The following SYTL5 variants were observed in gnomAD, a reference collection of about 807,000 sequenced individuals.
The protein encoded by SYTL5 is synaptotagmin-like protein 5.
A neutral mutation model predicts 55.9 loss-of-function variants in SYTL5; 34 were observed. The ratio of observed to expected loss-of-function variants is 0.61; its 90% CI spans 0.46 to 0.81. The LOEUF is 0.81. Among genes scored for constraint, SYTL5 ranks in the 30% least tolerant of loss-of-function variants. The probability of loss-of-function intolerance (pLI) is 0.00; values close to 1 mark genes in which losing one functional copy is unlikely to be tolerated. For synonymous variants in SYTL5, 221 were observed against 188.7 expected, an observed-to-expected ratio of 1.17 and a Z score of -1.40; for missense variants, 637 against 546.7, an observed-to-expected ratio of 1.17 and a Z score of -1.65.
chrX:37,921,351 G>C, the SYTL5 span, among the ~76,000 whole-genome samples: 1 of 110,919 alleles, frequency 9.0e-6, no homozygotes, highest in Admixed American at 9.7e-5. Context: ...AGAGTTTCTT[G>C]GGTCAGAAAG....
intron 7 of SYTL5, among the ~76,000 whole-genome samples, chrX:38,093,126 A>T (rs1334406962): frequency 1.8e-5 from 2 of 112,129 alleles, no homozygotes; most frequent in East Asian, 5.6e-4. Flanking sequence ...TGTTTATGGC[A>T]ATTAGAGGAA....
At chrX:37,990,893 A>G in the SYTL5 span, 1 of 1,211,136 alleles carries the variant, frequency 8.3e-7, no homozygotes, top group East Asian at 3.0e-5. Context: ...ACCAGACTCA[A>G]GACCCTTCTA....
At chrX:38,082,812 T>C (rs972285970) in intron 6 of SYTL5, among the ~76,000 whole-genome samples, 1 of 111,321 alleles carries the variant, frequency 9.0e-6, no homozygotes, top group African/African-American at 3.3e-5. Context: ...CAAAGGAAAA[T>C]AGACATAAAG....
At chrX:37,972,124 C>G in the SYTL5 span, among the ~76,000 whole-genome samples, 1 of 110,404 alleles carries the variant, frequency 9.1e-6, no homozygotes, top group Non-Finnish European at 1.9e-5. Flanking sequence ...CCAGACACTC[C>G]CATGAGGCTC....
chrX:37,935,305 GAC>G, the SYTL5 span, among the ~76,000 whole-genome samples: 1 of 111,953 alleles, frequency 8.9e-6, no homozygotes, highest in Non-Finnish European at 1.9e-5. Context: ...AATAAAAACA[GAC>G]AGAATTTGTC....
upstream of SYTL5, among the ~76,000 whole-genome samples, chrX:38,004,984 C>T (rs183524882): frequency 4.2e-3 from 472 of 111,392 alleles, no homozygotes; most frequent in Non-Finnish European, 6.9e-3. Context: ...ACCCCATTTA[C>T]CCTGATGTGA....
intron 1 of SYTL5, among the ~76,000 whole-genome samples, chrX:38,018,203 CTCAG>C (rs768762899): frequency 5.8e-4 from 65 of 111,571 alleles, no homozygotes; most frequent in African/African-American, 2.1e-3. Context: ...AACTTCACCA[CTCAG>C]TCAGTGCTGA....
chrX:38,032,704 T>A (rs1274630742), intron 1 of SYTL5, among the ~76,000 whole-genome samples: 1 of 111,254 alleles, frequency 9.0e-6, no homozygotes, highest in East Asian at 2.8e-4. Flanking sequence ...GTATATGCTA[T>A]CATTTTTCAT....
chrX:37,963,463 T>A, the SYTL5 span, among the ~76,000 whole-genome samples: 1,089 of 111,000 alleles, frequency 9.8e-3, 15 homozygotes, highest in African/African-American at 0.034. Context: ...TTATTTTTTG[T>A]ATTTTTAGTA....
chrX:38,023,457 C>T (rs1204939479), intron 1 of SYTL5, among the ~76,000 whole-genome samples: 1 of 111,857 alleles, frequency 8.9e-6, no homozygotes, highest in East Asian at 2.8e-4. Context: ...CTCTCATCTT[C>T]ATATGCAACC....
At chrX:37,940,903 T>C in the SYTL5 span, among the ~76,000 whole-genome samples, 9 of 110,835 alleles carry the variant, frequency 8.1e-5, no homozygotes, top group African/African-American at 3.0e-4. Flanking sequence ...AGGCAGTTGT[T>C]TTCACTCTTC....
At chrX:37,991,075 G>T in the SYTL5 span, 7 of 1,209,432 alleles carry the variant, frequency 5.8e-6, no homozygotes, top group East Asian at 3.0e-5. Context: ...GGCAGTATGC[G>T]CAACACTTCA....
the SYTL5 span, among the ~76,000 whole-genome samples, chrX:37,948,109 G>C: frequency 2.9e-4 from 32 of 111,000 alleles, no homozygotes; most frequent in African/African-American, 1.0e-3. Flanking sequence ...CTTCAGAATG[G>C]TCAGGAACTT....
the SYTL5 span, among the ~76,000 whole-genome samples, chrX:37,934,127 T>C: frequency 9.0e-6 from 1 of 111,400 alleles, no homozygotes; most frequent in Non-Finnish European, 1.9e-5. Context: ...TACCACATTA[T>C]ATTATTTTAA....
intron 3 of SYTL5, among the ~76,000 whole-genome samples, chrX:38,068,689 A>G (rs1362654602): frequency 9.0e-6 from 1 of 111,483 alleles, no homozygotes; most frequent in Non-Finnish European, 1.9e-5. Context: ...AAAACCAAAT[A>G]CTGCATGTCC....
Position 38,120,481 on chromosome X carries a change from A to T in SYTL5, c.1705+15A>T. 1 of 1,120,864 alleles carries T rather than the reference A, an allele frequency of 8.9e-7. No individual in the cohort carries two copies. Among genetic ancestry groups the T allele is most frequent in the Non-Finnish European group, 1.2e-6 (1 of 812,926 alleles). The allele number at this position is 1,120,864 out of a possible 1,213,427, so 92.4% of individuals were successfully genotyped here. A position where few individuals can be genotyped will look rare whatever the true frequency, so the allele number is the denominator to read the frequency against. Reference sequence around the variant, plus strand: ...ACAACTCCAAGGTAGAGTAAAAATCAATGACTTTGATCAATGACATTCTGT... The same window carrying T: ...ACAACTCCAAGGTAGAGTAAAAATCTATGACTTTGATCAATGACATTCTGT... On this transcript the variant is annotated intron_variant, in intron 14 of 16. Transcript: ENST00000297875.
At chrX:38,028,572 C>T (rs935444457) in intron 1 of SYTL5, among the ~76,000 whole-genome samples, 1 of 111,905 alleles carries the variant, frequency 8.9e-6, no homozygotes, top group African/African-American at 3.2e-5. Flanking sequence ...AAAAACAAAA[C>T]AAAGGATCAG....
chrX:38,055,557 C>T (rs1935757965), intron 3 of SYTL5, among the ~76,000 whole-genome samples: 1 of 111,787 alleles, frequency 8.9e-6, no homozygotes, highest in Non-Finnish European at 1.9e-5. Flanking sequence ...GAATCCAATT[C>T]ATTGGTTTTT....
intron 3 of SYTL5, among the ~76,000 whole-genome samples, chrX:38,065,773 C>T (rs974654959): frequency 5.4e-5 from 6 of 111,532 alleles, no homozygotes; most frequent in Admixed American, 2.9e-4. Flanking sequence ...AGCCTTAGCC[C>T]GGGGCATGAC....
Sources: gnomAD v4.1 joint callset for allele counts (sites outside exome capture counted in the v4.1 genomes callset) on GRCh38, gnomAD v4.1.1 for gene constraint, MANE v1.5 for transcripts, NCBI Gene and HGNC (gene_info 2026-07-23, HGNC 2026-07-21) for gene names.